IQCJ: variants seen among roughly 807,000 people sequenced by gnomAD.
IQCJ encodes the protein IQ domain-containing protein J.
Under a neutral mutation model 11.0 loss-of-function variants are expected in IQCJ, and 9 were observed. The observed-to-expected ratio is 0.82, with a 90% CI of 0.49 to 1.43. The LOEUF (loss-of-function observed/expected upper bound fraction) is 1.43. IQCJ is among the 40% of genes most tolerant of loss of function. The probability of loss-of-function intolerance (pLI) is 0.00; values close to 1 mark genes in which losing one functional copy is unlikely to be tolerated. For missense variants in IQCJ, 146 were observed against 133.2 expected, an observed-to-expected ratio of 1.10 and a Z score of -0.47; for synonymous variants, 55 against 51.3, an observed-to-expected ratio of 1.07 and a Z score of -0.31.
intron 3 of IQCJ, among the ~76,000 whole-genome samples, chr3:159,261,182 T>C (rs1577123845): frequency 6.6e-6 from 1 of 152,298 alleles, no homozygotes; most frequent in Middle Eastern, 3.4e-3. Context: ...ACATAGGTTG[T>C]GTGTGAAAGA....
intron 3 of IQCJ, among the ~76,000 whole-genome samples, chr3:159,258,084 C>T (rs902407410): frequency 6.6e-6 from 1 of 152,144 alleles, no homozygotes; most frequent in Non-Finnish European, 1.5e-5. Flanking sequence ...GAAACCCGGG[C>T]GATTGGGCAA....
chr3:159,195,900 A>G (rs561487561), intron 1 of IQCJ, among the ~76,000 whole-genome samples: 2 of 152,368 alleles, frequency 1.3e-5, no homozygotes, highest in African/African-American at 4.8e-5. Flanking sequence ...TGGACAGTAC[A>G]GTGTCTTGCA....
chr3:159,168,718 G>GTA (rs1435052249), intron 1 of IQCJ, among the ~76,000 whole-genome samples: 1 of 152,038 alleles, frequency 6.6e-6, no homozygotes, highest in Non-Finnish European at 1.5e-5. Flanking sequence ...ATGAGTACTA[G>GTA]TATAGCTAAT....
At chr3:159,162,686 A>G (rs1560009283) in intron 1 of IQCJ, among the ~76,000 whole-genome samples, 3 of 152,220 alleles carry the variant, frequency 2.0e-5, no homozygotes, top group African/African-American at 7.2e-5. Flanking sequence ...CAAGACTAAT[A>G]TAGAAGAAAA....
chr3:159,247,493 T>C (rs1370474643), intron 2 of IQCJ, among the ~76,000 whole-genome samples: 2 of 152,182 alleles, frequency 1.3e-5, no homozygotes, highest in African/African-American at 4.8e-5. Flanking sequence ...TGGACAGCCC[T>C]GTAGAAATGT....
intron 1 of IQCJ, among the ~76,000 whole-genome samples, chr3:159,112,676 C>T (rs1347533950): frequency 6.6e-6 from 1 of 152,104 alleles, no homozygotes; most frequent in East Asian, 1.9e-4. Context: ...CCTCGCACAC[C>T]GTTTCGTTGG....
chr3:159,186,828 A>G (rs1723399048), intron 1 of IQCJ, among the ~76,000 whole-genome samples: 1 of 152,236 alleles, frequency 6.6e-6, no homozygotes, highest in African/African-American at 2.4e-5. Flanking sequence ...GCACTTTTGA[A>G]CATGCTGCTG....
chr3:159,235,734 T>G lies in IQCJ; in HGVS notation c.10-10109T>G, dbSNP rs141469054. ...AGGTTTGTACTTGCTATGTTTCGAC[T>G]TAGATCGGGTGTTTGACATTTTCGC... On this transcript the variant is annotated intron_variant, in intron 1 of 3. Transcript: ENST00000397832. Among the ~76,000 whole-genome samples the G allele has an allele frequency of 2.8e-3, 421 of 152,318 alleles. 2 individuals carry two copies. Among genetic ancestry groups the G allele is most frequent in the African/African-American group, 9.6e-3 (401 of 41,564 alleles).
intron 1 of IQCJ, among the ~76,000 whole-genome samples, chr3:159,219,400 T>C (rs1484515632): frequency 3.9e-5 from 6 of 152,166 alleles, no homozygotes; most frequent in Admixed American, 6.5e-5. Flanking sequence ...ATTTCAATTC[T>C]ATGACACATA....
At chr3:159,218,694 A>G (rs1725372508) in intron 1 of IQCJ, among the ~76,000 whole-genome samples, 1 of 152,148 alleles carries the variant, frequency 6.6e-6, no homozygotes, top group Non-Finnish European at 1.5e-5. Flanking sequence ...AGAATTTTCT[A>G]CTTCAGATTT....
At chr3:159,225,597 G>A (rs1725812077) in intron 1 of IQCJ, among the ~76,000 whole-genome samples, 1 of 151,788 alleles carries the variant, frequency 6.6e-6, no homozygotes, top group Non-Finnish European at 1.5e-5. Context: ...TGGCTTTCGT[G>A]GTATACTATT....
intron 1 of IQCJ, among the ~76,000 whole-genome samples, chr3:159,161,939 A>T (rs1257504516): frequency 6.6e-6 from 1 of 151,558 alleles, no homozygotes; most frequent in Non-Finnish European, 1.5e-5. Flanking sequence ...TGTAGCCTTG[A>T]AGTATAGTTC....
chr3:159,132,549 T>C (rs560300985), intron 1 of IQCJ, among the ~76,000 whole-genome samples: 1 of 152,296 alleles, frequency 6.6e-6, no homozygotes, highest in African/African-American at 2.4e-5. Context: ...TGGTTGCCAA[T>C]ATTTGGAGTC....
chr3:159,169,060 C>A (rs773940269), intron 1 of IQCJ, among the ~76,000 whole-genome samples: 29 of 152,060 alleles, frequency 1.9e-4, no homozygotes, highest in Non-Finnish European at 4.3e-4. Context: ...CCATTCTGAT[C>A]TCTTTTTTAT....
intron 1 of IQCJ, among the ~76,000 whole-genome samples, chr3:159,182,760 A>G (rs1412619788): frequency 2.0e-5 from 3 of 147,728 alleles, no homozygotes; most frequent in Non-Finnish European, 3.0e-5. Flanking sequence ...TCAGGGGTCA[A>G]TCTTTATTTT....
intron 1 of IQCJ, among the ~76,000 whole-genome samples, chr3:159,105,242 T>C (rs748942110): frequency 2.6e-5 from 4 of 152,210 alleles, no homozygotes; most frequent in Non-Finnish European, 5.9e-5. Context: ...TCTGACTCTG[T>C]ATGGTCATAT....
At chr3:159,111,716 G>A (rs1213534890) in intron 1 of IQCJ, among the ~76,000 whole-genome samples, 1 of 152,132 alleles carries the variant, frequency 6.6e-6, no homozygotes, top group Non-Finnish European at 1.5e-5. Flanking sequence ...AGTCAGCACT[G>A]CATTCACATT....
intron 1 of IQCJ, among the ~76,000 whole-genome samples, chr3:159,177,682 A>T (rs1204233065): frequency 6.6e-6 from 1 of 152,174 alleles, no homozygotes; most frequent in African/African-American, 2.4e-5. Flanking sequence ...TGGTTGCATG[A>T]TTGTAGCATT....
intron 1 of IQCJ, among the ~76,000 whole-genome samples, chr3:159,082,704 G>T (rs1716402110): frequency 6.6e-6 from 1 of 152,048 alleles, no homozygotes; most frequent in Non-Finnish European, 1.5e-5. Context: ...AGGGCTAGAG[G>T]TCTGTCATCA....
Sources: gnomAD v4.1 joint callset for allele counts (sites outside exome capture counted in the v4.1 genomes callset) on GRCh38, gnomAD v4.1.1 for gene constraint, MANE v1.5 for transcripts, NCBI Gene and HGNC (gene_info 2026-07-23, HGNC 2026-07-21) for gene names.